The following TLL1 variants were observed in gnomAD, a reference collection of about 807,000 sequenced individuals.
TLL1 encodes the protein tolloid-like protein 1.
TLL1 carries 49 observed loss-of-function variants against 128.2 expected under a neutral mutation model. The ratio of observed to expected loss-of-function variants is 0.38; its 90% CI spans 0.30 to 0.48. TLL1 has a LOEUF of 0.48. Among genes scored for constraint, TLL1 ranks in the 20% least tolerant of loss-of-function variants. The pLI is 0.96. For synonymous variants in TLL1, 454 were observed against 418.8 expected (o/e 1.08, Z -1.03); for missense variants, 1,123 against 1,242.0 (o/e 0.90, Z 1.44).
chr4:165,959,803 G>T (rs1735004988), intron 1 of TLL1, among the ~76,000 whole-genome samples: 1 of 152,100 alleles, frequency 6.6e-6, no homozygotes, highest in African/African-American at 2.4e-5. Context: ...TGAAAACGGA[G>T]ACACAACATA....
Position 166,074,875 on chromosome 4 carries a change from T to C in TLL1, c.2189-3T>C. 1 of 1,613,242 alleles carries C rather than the reference T, an allele frequency of 6.2e-7. No homozygotes were observed. The highest frequency in any genetic ancestry group is 1.1e-5 in the South Asian group (1 of 91,068). On this transcript the variant is annotated splice_polypyrimidine_tract_variant and splice_region_variant and intron_variant, in intron 16 of 20. Transcript: ENST00000061240. ...TAGACTATGGGATTGATCTCTTTGC[T>C]AGACAAAGATGAATGCTCTAAGGAT...
chr4:165,880,641 A>G (rs1159318981), intron 1 of TLL1, among the ~76,000 whole-genome samples: 3 of 152,196 alleles, frequency 2.0e-5, no homozygotes, highest in African/African-American at 7.2e-5. Flanking sequence ...ATACCATTTT[A>G]CAAGTCAGGG....
At chr4:166,027,064 A>AAG (rs1738533826) in intron 9 of TLL1, among the ~76,000 whole-genome samples, 1 of 152,222 alleles carries the variant, frequency 6.6e-6, no homozygotes, top group African/African-American at 2.4e-5. Context: ...AGCCGTAAAA[A>AAG]AGAATGAACT....
intron 5 of TLL1, among the ~76,000 whole-genome samples, chr4:165,995,737 A>G (rs1736845700): frequency 6.6e-6 from 1 of 152,038 alleles, no homozygotes; most frequent in Admixed American, 6.6e-5. Flanking sequence ...CATCTTATCT[A>G]TTTAATATTT....
chr4:166,058,336 C>A (rs1480582950), intron 14 of TLL1, among the ~76,000 whole-genome samples: 2 of 152,108 alleles, frequency 1.3e-5, no homozygotes, highest in African/African-American at 2.4e-5. Flanking sequence ...TTAGGTATAT[C>A]TCCCTTATTA....
intron 16 of TLL1, 144 bp downstream of exon 16, chr4:166,066,007 A>G (rs1740557335): frequency 6.1e-6 from 1 of 163,802 alleles, no homozygotes; most frequent in African/African-American, 8.8e-4. Flanking sequence ...AAATAATTAT[A>G]GCAATATTTT....
chr4:165,927,778 C>G (rs1347452496), intron 1 of TLL1, among the ~76,000 whole-genome samples: 1 of 151,724 alleles, frequency 6.6e-6, no homozygotes, highest in Non-Finnish European at 1.5e-5. Context: ...GGAGATGTGG[C>G]TAAATAACCC....
chr4:166,094,028 A>C (rs575180239), intron 19 of TLL1, among the ~76,000 whole-genome samples: 1 of 152,184 alleles, frequency 6.6e-6, no homozygotes, highest in South Asian at 2.1e-4. Context: ...GGAATTTCTT[A>C]TGTCTTCCCT....
chr4:166,089,539 A>T (rs1351838582), intron 18 of TLL1, among the ~76,000 whole-genome samples: 1 of 152,140 alleles, frequency 6.6e-6, no homozygotes, highest in Non-Finnish European at 1.5e-5. Flanking sequence ...CAAGTGACAC[A>T]TTCCTTCAGT....
intron 1 of TLL1, among the ~76,000 whole-genome samples, chr4:165,928,622 C>A (rs187712252): frequency 2.0e-4 from 31 of 152,294 alleles, no homozygotes; most frequent in African/African-American, 3.6e-4. Context: ...TAAAAATATT[C>A]TTTTTGTATT....
intron 1 of TLL1, among the ~76,000 whole-genome samples, chr4:165,886,106 C>G (rs1417776185): frequency 6.6e-6 from 1 of 151,832 alleles, no homozygotes; most frequent in African/African-American, 2.4e-5. Flanking sequence ...ACTTTTGTGG[C>G]TTTTATAATA....
At chr4:166,064,132 T>A (rs1427656083) in intron 15 of TLL1, among the ~76,000 whole-genome samples, 1 of 152,160 alleles carries the variant, frequency 6.6e-6, no homozygotes, top group African/African-American at 2.4e-5. Flanking sequence ...TTTATCATTT[T>A]AACATACTTT....
intron 7 of TLL1, among the ~76,000 whole-genome samples, chr4:166,010,874 G>A (rs1737662406): frequency 6.6e-6 from 1 of 150,442 alleles, no homozygotes; most frequent in African/African-American, 2.4e-5. Context: ...TAGATATCCA[G>A]TTTTCTCAGT....
intron 12 of TLL1, chr4:166,053,257 G>A (rs1169157483): frequency 6.6e-6 from 1 of 150,704 alleles, no homozygotes; most frequent in Non-Finnish European, 1.5e-5. Flanking sequence ...TCTGAGATCA[G>A]ATTATATCAG....
At chr4:165,970,168 TTAA>T (rs1291687052) in intron 1 of TLL1, among the ~76,000 whole-genome samples, 1 of 152,196 alleles carries the variant, frequency 6.6e-6, no homozygotes, top group Non-Finnish European at 1.5e-5. Flanking sequence ...CTTTTGTCTG[TTAA>T]TGTTTATAAT....
chr4:166,054,464 C>T (rs537716034), intron 12 of TLL1, among the ~76,000 whole-genome samples: 4 of 151,838 alleles, frequency 2.6e-5, no homozygotes, highest in Admixed American at 6.6e-5. Context: ...GTGCACATTG[C>T]GCAGGTTAGT....
intron 5 of TLL1, among the ~76,000 whole-genome samples, chr4:165,999,263 T>C (rs1220734791): frequency 3.3e-5 from 5 of 152,326 alleles, no homozygotes; most frequent in Non-Finnish European, 4.4e-5. Flanking sequence ...TTAGTCTGTT[T>C]TCACACTGCT....
intron 4 of TLL1, among the ~76,000 whole-genome samples, 173 bp from the exon 5 acceptor site, chr4:165,994,888 G>A (rs893569010): frequency 7.2e-5 from 11 of 152,154 alleles, no homozygotes; most frequent in African/African-American, 2.4e-4. Context: ...TGATTATAAA[G>A]TGAGTGTCCG....
At chr4:165,906,012 A>G (rs28535573) in intron 1 of TLL1, among the ~76,000 whole-genome samples, 37,889 of 151,964 alleles carry the variant, frequency 0.25, 5,727 homozygotes, top group East Asian at 0.51. Context: ...TTTTGTATAC[A>G]TTATAATTCA....
Sources: allele counts gnomAD v4.1 joint callset (sites outside exome capture counted in the v4.1 genomes callset), GRCh38; gene constraint gnomAD v4.1.1; transcripts MANE v1.5; gene names NCBI Gene and HGNC (gene_info 2026-07-23, HGNC 2026-07-21).